Variants in PARD3B observed in about 807,000 individuals in gnomAD.
The protein encoded by PARD3B is partitioning defective 3 homolog B.
PARD3B carries 103 observed loss-of-function variants against 130.2 expected under a neutral mutation model. The ratio of observed to expected loss-of-function variants is 0.79; its 90% CI spans 0.67 to 0.93. PARD3B has a LOEUF of 0.93. Ranked by LOEUF, PARD3B falls within the 40% of genes least tolerant of loss-of-function variation. The probability of loss-of-function intolerance (pLI) is 0.00; values close to 1 mark genes in which losing one functional copy is unlikely to be tolerated. For synonymous variants in PARD3B, 583 were observed against 553.2 expected, an observed-to-expected ratio of 1.05 and a Z score of -0.76; for missense variants, 1,609 against 1,499.2, an observed-to-expected ratio of 1.07 and a Z score of -1.21.
intron 15 of PARD3B, among the ~76,000 whole-genome samples, chr2:205,238,918 A>ATATATATATATATATATGTATGTGTG (rs1559575333): frequency 7.7e-6 from 1 of 130,098 alleles, no homozygotes; most frequent in African/African-American, 3.0e-5. Context: ...ATGTATGTGT[A>ATATATATATATATATATGTATGTGTG]TATATATATA....
chr2:205,198,511 AT>A (rs1167971737), intron 15 of PARD3B, among the ~76,000 whole-genome samples: 1 of 152,134 alleles, frequency 6.6e-6, no homozygotes, highest in Non-Finnish European at 1.5e-5. Flanking sequence ...ACTTGCTCTA[AT>A]TTTTTTAAAT....
At chr2:205,153,373 C>T (rs1370937409) in intron 10 of PARD3B, among the ~76,000 whole-genome samples, 3 of 152,158 alleles carry the variant, frequency 2.0e-5, no homozygotes, top group Non-Finnish European at 4.4e-5. Flanking sequence ...GAGCTGTAGA[C>T]TGGAGCTGTT....
chr2:205,110,569 A>T (rs998977094), intron 5 of PARD3B, among the ~76,000 whole-genome samples: 1 of 149,964 alleles, frequency 6.7e-6, no homozygotes, highest in African/African-American at 2.4e-5. Flanking sequence ...AAATTTTCCC[A>T]CTTTTCTTCT....
chr2:204,679,376 A>G lies in PARD3B; in HGVS notation c.121-6805A>G, dbSNP rs901141727. On this transcript the variant is annotated intron_variant, in intron 1 of 22. Coordinates refer to ENST00000406610, the MANE Select transcript of PARD3B (RefSeq NM_001302769.2). ...TTATGTGTGATGTTCATTCAGCTTTATGGCATGTTTATGTTCAGTTACTGC... is the reference window on the plus strand; with the variant it reads ...TTATGTGTGATGTTCATTCAGCTTTGTGGCATGTTTATGTTCAGTTACTGC... Among the ~76,000 whole-genome samples, 15 of 152,178 alleles carry G rather than the reference A, an allele frequency of 9.9e-5. 1 individual carries two copies. Among genetic ancestry groups the G allele is most frequent in the African/African-American group, 3.6e-4 (15 of 41,442 alleles).
At chr2:205,016,520 C>T (rs1344606370) in intron 3 of PARD3B, among the ~76,000 whole-genome samples, 2 of 152,122 alleles carry the variant, frequency 1.3e-5, no homozygotes, top group Admixed American at 1.3e-4. Context: ...TATGACTTTA[C>T]CCATAGGATC....
At chr2:205,480,887 C>T (rs1275060499) in intron 20 of PARD3B, among the ~76,000 whole-genome samples, 1 of 152,148 alleles carries the variant, frequency 6.6e-6, no homozygotes, top group African/African-American at 2.4e-5. Context: ...CCAGAGGAGG[C>T]ACCTCTGACA....
At chr2:205,504,410 A>G (rs1233305553) in intron 21 of PARD3B, among the ~76,000 whole-genome samples, 1 of 152,200 alleles carries the variant, frequency 6.6e-6, no homozygotes, top group Non-Finnish European at 1.5e-5. Context: ...AATTAAACTA[A>G]AGAGCTTCTG....
Position 205,274,427 on chromosome 2 carries a change from C to G in PARD3B, c.2186-26103C>G, listed in dbSNP as rs1176246433. On this transcript the variant is annotated intron_variant, in intron 16 of 22. Coordinates refer to ENST00000406610, the MANE Select transcript of PARD3B (RefSeq NM_001302769.2). This position sits in a 1 kb window ranked among gnomAD's most constrained non-coding sequence, Gnocchi z 4.2. ...TTATATTGCAGTGACTTTAATATTACTGAGGAAGAAACCTGTAGTAATCTT... is the reference window on the plus strand; with the variant it reads ...TTATATTGCAGTGACTTTAATATTAGTGAGGAAGAAACCTGTAGTAATCTT... Among the ~76,000 whole-genome samples, 1 of 151,902 alleles carries G rather than the reference C, an allele frequency of 6.6e-6. No homozygotes were observed. The highest frequency in any genetic ancestry group is 1.5e-5 in the Non-Finnish European group (1 of 67,956).
chr2:205,487,100 A>G (rs1473042360), intron 20 of PARD3B, among the ~76,000 whole-genome samples: 1 of 152,168 alleles, frequency 6.6e-6, no homozygotes, highest in Non-Finnish European at 1.5e-5. Context: ...TCACTTACCT[A>G]TGTGACCCAA....
intron 21 of PARD3B, among the ~76,000 whole-genome samples, chr2:205,536,139 G>A (rs1392162588): frequency 6.6e-6 from 1 of 152,130 alleles, no homozygotes; most frequent in Non-Finnish European, 1.5e-5. Flanking sequence ...GTCCTTTACA[G>A]GTATTAGCTA....
intron 2 of PARD3B, among the ~76,000 whole-genome samples, chr2:204,824,891 G>A (rs2043508067): frequency 6.6e-6 from 1 of 152,224 alleles, no homozygotes; most frequent in Non-Finnish European, 1.5e-5. Flanking sequence ...AGAGCTGGCT[G>A]TAGCAAAGGA....
chr2:204,871,599 A>G (rs1468532241), intron 2 of PARD3B, among the ~76,000 whole-genome samples: 2 of 152,156 alleles, frequency 1.3e-5, no homozygotes, highest in African/African-American at 4.8e-5. Flanking sequence ...TTTTTTCCTT[A>G]GAAAATCAAC....
intron 3 of PARD3B, among the ~76,000 whole-genome samples, chr2:204,983,041 T>A (rs1692810535): frequency 6.6e-6 from 1 of 152,176 alleles, no homozygotes; most frequent in Non-Finnish European, 1.5e-5. Context: ...TCTGGATGAT[T>A]GCCTCCATTT....
chr2:205,090,838 G>A (rs1490712633), intron 4 of PARD3B, among the ~76,000 whole-genome samples: 4 of 152,146 alleles, frequency 2.6e-5, no homozygotes, highest in Admixed American at 2.6e-4. Context: ...ATTAGTGTGG[G>A]GAAGTTCTTT....
rs1283496387 is a variant in PARD3B, at chr2:205,274,394, T to G, written c.2186-26136T>G. On this transcript the variant is annotated intron_variant, in intron 16 of 22. Coordinates refer to ENST00000406610, the MANE Select transcript of PARD3B (RefSeq NM_001302769.2). The surrounding 1 kb of genome is among the most constrained non-coding windows in gnomAD (Gnocchi z 4.2). ...AAAATATTCCATTCCTTAAGTGCTT[T>G]TAGTAACTTATATTGCAGTGACTTT... Among the ~76,000 whole-genome samples the G allele has an allele frequency of 6.6e-6, 1 of 152,124 alleles. No homozygotes were observed. The highest frequency in any genetic ancestry group is 2.4e-5 in the African/African-American group (1 of 41,458).
rs2035941961 is a variant in PARD3B, at chr2:204,664,454, A to G, written c.121-21727A>G. On this transcript the variant is annotated intron_variant, in intron 1 of 22. Coordinates refer to ENST00000406610, the MANE Select transcript of PARD3B (RefSeq NM_001302769.2). This position sits in a 1 kb window ranked among gnomAD's most constrained non-coding sequence, Gnocchi z 5.2. ...GACGGGGCATAACTAAATGCTTACC[A>G]CCCTCCCTGAAAGTTAGTTACGTTT... is the stretch of plus-strand genomic sequence containing the variant. Among the ~76,000 whole-genome samples, 1 of 152,142 alleles carries G rather than the reference A, an allele frequency of 6.6e-6. No homozygotes were observed. The highest frequency in any genetic ancestry group is 2.4e-5 in the African/African-American group (1 of 41,438).
intron 19 of PARD3B, among the ~76,000 whole-genome samples, chr2:205,419,374 T>A (rs1266717381): frequency 2.0e-5 from 3 of 152,178 alleles, no homozygotes; most frequent in Non-Finnish European, 4.4e-5. Flanking sequence ...AAACTGTGAA[T>A]CTATTAAACC....
chr2:205,516,542 G>A (rs1302226687), intron 21 of PARD3B, among the ~76,000 whole-genome samples: 3 of 152,132 alleles, frequency 2.0e-5, no homozygotes, highest in Non-Finnish European at 4.4e-5. Context: ...AGTTGTGAAT[G>A]GGATTGCCTT....
At chr2:205,236,354 ACT>A (rs2039061613) in intron 15 of PARD3B, among the ~76,000 whole-genome samples, 1 of 152,124 alleles carries the variant, frequency 6.6e-6, no homozygotes, top group African/African-American at 2.4e-5. Flanking sequence ...AGCCAACATT[ACT>A]CTGATACCAA....
Sources: gnomAD v4.1 joint callset for allele counts (sites outside exome capture counted in the v4.1 genomes callset) on GRCh38, gnomAD v4.1.1 for gene constraint, Gnocchi (gnomAD v3.1) non-coding constraint, MANE v1.5 for transcripts, NCBI Gene and HGNC (gene_info 2026-07-23, HGNC 2026-07-21) for gene names.